The following NXN variants were observed in gnomAD, a reference collection of about 807,000 sequenced individuals.
The protein encoded by NXN is nucleoredoxin 1.
Under a neutral mutation model 48.6 loss-of-function variants are expected in NXN, and 16 were observed. That is an observed-to-expected ratio of 0.33 (90% CI 0.22 to 0.50). The LOEUF (loss-of-function observed/expected upper bound fraction) is 0.50. Ranked by LOEUF, NXN falls within the 20% of genes least tolerant of loss-of-function variation. The pLI is 0.98. For synonymous variants in NXN, 281 were observed against 269.6 expected (o/e 1.04, Z -0.41); for missense variants, 492 against 605.5 (o/e 0.81, Z 1.97).
At chr17:899,474 T>C (rs1307682562) in intron 1 of NXN, among the ~76,000 whole-genome samples, 1 of 152,008 alleles carries the variant, frequency 6.6e-6, no homozygotes, top group Non-Finnish European at 1.5e-5. Context: ...AACAAGAAAA[T>C]GGCAGGTATT....
At chr17:833,797 G>A (rs976776292) in intron 1 of NXN, among the ~76,000 whole-genome samples, 3 of 152,020 alleles carry the variant, frequency 2.0e-5, no homozygotes, top group African/African-American at 7.3e-5. Context: ...AGATAATCCT[G>A]CCCCATCTGT....
At chr17:943,504 C>T (rs561029991) in intron 1 of NXN, among the ~76,000 whole-genome samples, 1 of 152,288 alleles carries the variant, frequency 6.6e-6, no homozygotes, top group East Asian at 1.9e-4. Flanking sequence ...AACATCTGGT[C>T]ATTAAATCAT....
In NXN at chr17:836,192, C is replaced by T. The variant is rs1462361042; in HGVS notation, c.361-10114G>A. ...CAGGGAAATGCAGCCTGGTGATTTCCGAGAAGTCCCAGTTCCCGAGAGCAA... is the reference window on the plus strand; with the variant it reads ...CAGGGAAATGCAGCCTGGTGATTTCTGAGAAGTCCCAGTTCCCGAGAGCAA... On this transcript the variant is annotated intron_variant, in intron 1 of 7. Transcript: ENST00000336868. 2.0e-5 allele frequency among the ~76,000 whole-genome samples: 3 copies of T among 152,138 alleles called. No individual in the cohort carries two copies. The South Asian group carries it at 6.2e-4, about 32-fold the overall frequency.
At chr17:846,293 C>T (rs1330179380) in intron 1 of NXN, among the ~76,000 whole-genome samples, 3 of 151,308 alleles carry the variant, frequency 2.0e-5, no homozygotes, top group Middle Eastern at 3.2e-3. Flanking sequence ...TGGTGGGCGC[C>T]TGTAATCCCA....
chr17:957,011 C>T (rs2069178307), intron 1 of NXN, among the ~76,000 whole-genome samples: 1 of 152,180 alleles, frequency 6.6e-6, no homozygotes, highest in African/African-American at 2.4e-5. Context: ...ATCTCCCCAG[C>T]TTAATTATAA....
At position 932,993 on chromosome 17, in the gene NXN, T is replaced by A. The variant is rs11656204; in HGVS notation, c.360+46326A>T. ...GCTCAGTTTCAGTCGTCATGACCAC[T>A]TGTAATATCCCTTCCCACTAACATC... On this transcript the variant is annotated intron_variant, in intron 1 of 7. Coordinates refer to ENST00000336868, the MANE Select transcript of NXN (RefSeq NM_022463.5). The surrounding 1 kb of genome is among the most constrained non-coding windows in gnomAD (Gnocchi z 4.1). Among the ~76,000 whole-genome samples, 1 of 151,930 alleles carries A rather than the reference T, an allele frequency of 6.6e-6. No homozygotes were observed. The highest frequency in any genetic ancestry group is 1.5e-5 in the Non-Finnish European group (1 of 67,974).
chr17:845,042 C>T (rs2067844014), intron 1 of NXN, among the ~76,000 whole-genome samples: 1 of 152,084 alleles, frequency 6.6e-6, no homozygotes, highest in Non-Finnish European at 1.5e-5. Flanking sequence ...CAACATAGCA[C>T]TTGACTGACA....
intron 1 of NXN, among the ~76,000 whole-genome samples, chr17:959,943 T>C (rs1300327865): frequency 6.6e-6 from 1 of 151,826 alleles, no homozygotes; most frequent in African/African-American, 2.4e-5. Flanking sequence ...AAATACAAAA[T>C]TAGCTGGGCA....
At chr17:864,236 C>T in intron 1 of NXN, 4 of 1,193,260 alleles carry the variant, frequency 3.4e-6, no homozygotes, top group Non-Finnish European at 4.6e-6. Flanking sequence ...TTGTCTTCAA[C>T]TTTTCTGTAG....
At chr17:952,063 T>C (rs3813435) in intron 1 of NXN, among the ~76,000 whole-genome samples, 35,392 of 143,446 alleles carry the variant, frequency 0.25, 5,661 homozygotes, top group Non-Finnish European at 0.34. Context: ...TTTCCGTTTT[T>C]GTGGGGGGCG....
At chr17:942,601 T>C (rs76889132) in intron 1 of NXN, among the ~76,000 whole-genome samples, 11 of 54,002 alleles carry the variant, frequency 2.0e-4, no homozygotes, top group Admixed American at 1.1e-3. Flanking sequence ...CCAAACACCT[T>C]CCTGGATTTC....
intron 5 of NXN, among the ~76,000 whole-genome samples, chr17:811,959 G>C (rs1249062507): frequency 6.7e-5 from 8 of 118,956 alleles, no homozygotes; most frequent in East Asian, 2.5e-4. Flanking sequence ...ACGGAGTCTC[G>C]CTCTGTCGCC....
Position 963,214 on chromosome 17 carries a change from G to GACACACACACACACACACAC in NXN, c.360+16085_360+16104dup, listed in dbSNP as rs58535607. 2.4e-3 allele frequency among the ~76,000 whole-genome samples: 341 copies of GACACACACACACACACACAC among 142,910 alleles called. 3 individuals carry two copies. The East Asian group carries it at 0.03, about 12-fold the overall frequency. 93.8% of individuals were successfully genotyped at this position (142,910 alleles called of 152,430 possible). On this transcript the variant is annotated intron_variant, in intron 1 of 7. Transcript: ENST00000336868. ...AAAAAAAGGTATAGGTACTGGGACG[G>GACACACACACACACACACAC]ACACACACACACACACACACACACA...
At chr17:966,048 A>G (rs1217817884) in intron 1 of NXN, among the ~76,000 whole-genome samples, 3 of 151,808 alleles carry the variant, frequency 2.0e-5, no homozygotes. Context: ...CCTGGGAGGC[A>G]GAGGTTGCAG....
chr17:802,549 G>A (rs1005562252), intron 7 of NXN, among the ~76,000 whole-genome samples: 4 of 152,174 alleles, frequency 2.6e-5, no homozygotes. Context: ...GCCCGTGCCC[G>A]GCCCCTGCTG....
intron 1 of NXN, among the ~76,000 whole-genome samples, chr17:938,367 C>T (rs954357356): frequency 6.6e-6 from 1 of 152,198 alleles, no homozygotes; most frequent in Non-Finnish European, 1.5e-5. Flanking sequence ...ACAGCTAGTG[C>T]GAAGGCCGAG....
chr17:834,079 G>T (rs865875094), intron 1 of NXN, among the ~76,000 whole-genome samples: 2 of 152,194 alleles, frequency 1.3e-5, no homozygotes, highest in Admixed American at 6.5e-5. Context: ...CAGCACTCTG[G>T]GGGGACGAGG....
intron 1 of NXN, among the ~76,000 whole-genome samples, chr17:839,157 G>A (rs997767938): frequency 4.6e-5 from 7 of 152,188 alleles, no homozygotes; most frequent in Non-Finnish European, 7.3e-5. Flanking sequence ...GCGTCAGGCC[G>A]GACGCGGTGG....
chr17:813,419 C>T (rs1912282225), intron 5 of NXN, among the ~76,000 whole-genome samples: 1 of 152,228 alleles, frequency 6.6e-6, no homozygotes, highest in Non-Finnish European at 1.5e-5. Context: ...GACAGGGCAC[C>T]ACAAATAGGG....
Sources: allele counts gnomAD v4.1 joint callset (sites outside exome capture counted in the v4.1 genomes callset), GRCh38; gene constraint gnomAD v4.1.1; non-coding constraint Gnocchi (gnomAD v3.1); transcripts MANE v1.5; gene names NCBI Gene and HGNC (gene_info 2026-07-23, HGNC 2026-07-21).